The following TXNDC9 variants were observed in gnomAD, a reference collection of about 807,000 sequenced individuals.
The protein encoded by TXNDC9 is thioredoxin domain-containing protein 9.
In TXNDC9, 7 loss-of-function variants were observed where a neutral mutation model predicts 23.0. The ratio of observed to expected loss-of-function variants is 0.30; its 90% CI spans 0.17 to 0.57. TXNDC9 has a LOEUF of 0.57. Among genes scored for constraint, TXNDC9 ranks in the 20% least tolerant of loss-of-function variants. The pLI is 0.90. For missense variants in TXNDC9, 198 were observed against 252.6 expected (o/e 0.78, Z 1.47); for synonymous variants, 72 against 90.6 (o/e 0.79, Z 1.17).
At chr2:99,308,185 G>C in the TXNDC9 span, among the ~76,000 whole-genome samples, 3 of 152,198 alleles carry the variant, frequency 2.0e-5, no homozygotes, top group Non-Finnish European at 4.4e-5. Flanking sequence ...CAGGCACAGA[G>C]GACGCACTGA....
chr2:99,309,069 AAAT>A, the TXNDC9 span, among the ~76,000 whole-genome samples: 1 of 152,100 alleles, frequency 6.6e-6, no homozygotes. Context: ...TAAAAAGTAC[AAAT>A]AATAAAAAAT....
Position 99,327,566 on chromosome 2 carries a change from C to A in TXNDC9, c.277G>T (p.Val93Phe). The A allele has an allele frequency of 6.2e-7, 1 of 1,613,364 alleles. No homozygotes were observed. The highest frequency in any genetic ancestry group is 8.5e-7 in the Non-Finnish European group (1 of 1,179,674). ...GTGGAGTCTCTGTAGAAATGGCAAA[C>A]CACATTTTCACTCTCCTTGACTTCT... ...FQEVKESENV[V>F]CHFYRDSTFR... Residue 93 changes from valine to phenylalanine, a missense_variant, in exon 3 of 5, where the codon GTT becomes TTT. Coordinates refer to ENST00000264255, the MANE Select transcript of TXNDC9 (RefSeq NM_005783.4).
downstream of TXNDC9, among the ~76,000 whole-genome samples, chr2:99,318,192 T>C (rs371607181): frequency 5.3e-5 from 8 of 150,328 alleles, no homozygotes; most frequent in Non-Finnish European, 7.4e-5. Context: ...TGCCAGGCTC[T>C]TTCTGTTGAG....
chr2:99,329,481 C>T (rs1481192670), intron 2 of TXNDC9, among the ~76,000 whole-genome samples: 2 of 152,206 alleles, frequency 1.3e-5, no homozygotes, highest in Non-Finnish European at 2.9e-5. Context: ...CGTCAGTGAA[C>T]GTGGCCCAGA....
At chr2:99,326,134 C>A (rs569465226) in intron 3 of TXNDC9, among the ~76,000 whole-genome samples, 2 of 152,062 alleles carry the variant, frequency 1.3e-5, no homozygotes, top group Non-Finnish European at 2.9e-5. Flanking sequence ...TGTGCCAATG[C>A]GAGATGGTTG....
chr2:99,306,777 G>T, the TXNDC9 span: 1 of 455,402 alleles, frequency 2.2e-6, no homozygotes, highest in Non-Finnish European at 4.4e-6. Flanking sequence ...ACGGCCCTAG[G>T]GCCACCACCT....
chr2:99,333,982 A>C (rs1157288961), intron 1 of TXNDC9, among the ~76,000 whole-genome samples: 1 of 152,226 alleles, frequency 6.6e-6, no homozygotes, highest in Non-Finnish European at 1.5e-5. Flanking sequence ...GTGTAAAATC[A>C]GAGTTTCAAA....
chr2:99,332,264 G>A (rs1416042595), intron 2 of TXNDC9, among the ~76,000 whole-genome samples: 3 of 152,250 alleles, frequency 2.0e-5, no homozygotes, highest in South Asian at 2.1e-4. Context: ...CCAACATGGC[G>A]AAACCCCATC....
chr2:99,314,411 C>G (rs760048271), downstream of TXNDC9, among the ~76,000 whole-genome samples: 1 of 151,084 alleles, frequency 6.6e-6, no homozygotes, highest in Non-Finnish European at 1.5e-5. Context: ...ATTGTCTAAT[C>G]AATACAGTAT....
At chr2:99,321,668 C>G (rs184917179) in intron 4 of TXNDC9, 1 of 251,900 alleles carries the variant, frequency 4.0e-6, no homozygotes, top group African/African-American at 2.2e-5. Flanking sequence ...CAGATTAATA[C>G]AAAATTAGTG....
chr2:99,321,134 A>C (rs951262570), intron 4 of TXNDC9: 1 of 152,084 alleles, frequency 6.6e-6, no homozygotes. Context: ...AGGAAATGAA[A>C]CCAATTTCTA....
intron 1 of TXNDC9, among the ~76,000 whole-genome samples, chr2:99,335,580 C>G (rs1473072244): frequency 1.3e-5 from 2 of 152,120 alleles, no homozygotes; most frequent in African/African-American, 4.8e-5. Flanking sequence ...CTCCCTATCG[C>G]CCAAGAAAAA....
chr2:99,314,031 G>T (rs897063777), downstream of TXNDC9, among the ~76,000 whole-genome samples: 3 of 152,086 alleles, frequency 2.0e-5, no homozygotes, highest in African/African-American at 4.8e-5. Flanking sequence ...CTTCATATAG[G>T]TAAGTTCATA....
chr2:99,329,538 C>T (rs1431827914), intron 2 of TXNDC9, among the ~76,000 whole-genome samples: 7 of 152,240 alleles, frequency 4.6e-5, no homozygotes, highest in African/African-American at 1.7e-4. Context: ...TTACATCGAG[C>T]TGACACTTGC....
chr2:99,323,643 C>T (rs1420558998), intron 3 of TXNDC9, among the ~76,000 whole-genome samples: 5 of 149,454 alleles, frequency 3.3e-5, no homozygotes, highest in Non-Finnish European at 7.4e-5. Context: ...GGCTGAGGCA[C>T]GAGAATCACT....
At chr2:99,335,007 G>A (rs543503936) in intron 1 of TXNDC9, among the ~76,000 whole-genome samples, 1 of 152,300 alleles carries the variant, frequency 6.6e-6, no homozygotes, top group Non-Finnish European at 1.5e-5. Flanking sequence ...AGCCAGCCGC[G>A]CCCGGCCAAA....
chr2:99,324,579 G>A lies in TXNDC9; in HGVS notation c.309-2370C>T, dbSNP rs569614116. Among the ~76,000 whole-genome samples the A allele has an allele frequency of 7.9e-5, 10 of 126,110 alleles. 1 individual carries two copies. The South Asian group carries it at 1.4e-3, about 18-fold the overall frequency. 82.7% of individuals were successfully genotyped at this position (126,110 alleles called of 152,430 possible). ...CCATACTTTAACTGCAGTAAGGAAC[G>A]TATTTTTTTTTTGAGATGGAGTCTC... On this transcript the variant is annotated intron_variant, in intron 3 of 4. Coordinates refer to ENST00000264255, the MANE Select transcript of TXNDC9 (RefSeq NM_005783.4).
chr2:99,309,048 T>G, the TXNDC9 span, among the ~76,000 whole-genome samples: 8 of 151,912 alleles, frequency 5.3e-5, no homozygotes, highest in African/African-American at 1.9e-4. Context: ...AAAACAAAAA[T>G]TTTAAAAAAT....
intron 2 of TXNDC9, among the ~76,000 whole-genome samples, chr2:99,332,305 T>C (rs2094227904): frequency 6.6e-6 from 1 of 152,052 alleles, no homozygotes; most frequent in Non-Finnish European, 1.5e-5. Flanking sequence ...TAGCCAGGCA[T>C]GGTGGTGTGC....
Sources: allele counts gnomAD v4.1 joint callset (sites outside exome capture counted in the v4.1 genomes callset), GRCh38; gene constraint gnomAD v4.1.1; transcripts MANE v1.5; gene names NCBI Gene and HGNC (gene_info 2026-07-23, HGNC 2026-07-21).